Variants in DMRT1 observed in about 807,000 individuals in gnomAD.
DMRT1 encodes doublesex and mab-3 related transcription factor 1, also known as doublesex- and mab-3-related transcription factor 1.
In DMRT1, 7 loss-of-function variants were observed where a neutral mutation model predicts 32.3. The observed-to-expected ratio is 0.22, with a 90% CI of 0.12 to 0.41. The LOEUF (loss-of-function observed/expected upper bound fraction) is 0.41, where lower values mean the gene tolerates loss of function less well. Ranked by LOEUF, DMRT1 falls within the 10% of genes least tolerant of loss-of-function variation. The pLI is 1.00. For synonymous variants in DMRT1, 278 were observed against 206.1 expected (o/e 1.35, Z -2.99); for missense variants, 625 against 500.5 (o/e 1.25, Z -2.37).
intron 2 of DMRT1, among the ~76,000 whole-genome samples, chr9:878,653 T>G (rs989107196): frequency 6.6e-6 from 1 of 151,960 alleles, no homozygotes; most frequent in African/African-American, 2.4e-5. Context: ...ACCCTAATGA[T>G]GAGGATTTGG....
chr9:844,715 C>CTT (rs1170214043), intron 1 of DMRT1, among the ~76,000 whole-genome samples: 1,481 of 135,370 alleles, frequency 0.011, 53 homozygotes, highest in African/African-American at 0.037. Context: ...TTCTTTCTTT[C>CTT]TTTCTTTTTT....
At chr9:902,148 G>A (rs1042676061) in intron 3 of DMRT1, among the ~76,000 whole-genome samples, 3 of 151,128 alleles carry the variant, frequency 2.0e-5, no homozygotes, top group African/African-American at 4.9e-5. Context: ...GACCTCAGGT[G>A]ATCCGCCCCC....
chr9:930,910 T>C (rs1325163282), intron 4 of DMRT1, among the ~76,000 whole-genome samples: 1 of 152,218 alleles, frequency 6.6e-6, no homozygotes, highest in African/African-American at 2.4e-5. Flanking sequence ...TTTTAAAATG[T>C]ATGATTCATT....
chr9:962,939 G>T (rs1441962893), intron 4 of DMRT1, among the ~76,000 whole-genome samples: 2 of 152,122 alleles, frequency 1.3e-5, no homozygotes, highest in Non-Finnish European at 2.9e-5. Flanking sequence ...TGCTGTAGAA[G>T]GATGCTTGCT....
chr9:916,634 G>A, intron 3 of DMRT1, 129 bp from the exon 4 acceptor site: 3 of 1,132,596 alleles, frequency 2.6e-6, no homozygotes, highest in Non-Finnish European at 3.9e-6. Flanking sequence ...GGCCTCCCAA[G>A]GTGTCGGGAA....
At chr9:915,260 C>G (rs532236335) in intron 3 of DMRT1, among the ~76,000 whole-genome samples, 1 of 152,218 alleles carries the variant, frequency 6.6e-6, no homozygotes, top group Admixed American at 6.5e-5. Context: ...CTCGGTGTCT[C>G]TAACAGGGTC....
chr9:845,898 T>C (rs970129244), intron 1 of DMRT1, among the ~76,000 whole-genome samples: 11 of 152,212 alleles, frequency 7.2e-5, no homozygotes, highest in African/African-American at 2.2e-4. Context: ...TGCTGGCTGA[T>C]TTTAACATGT....
intron 3 of DMRT1, among the ~76,000 whole-genome samples, chr9:901,719 C>A (rs959037042): frequency 6.6e-6 from 1 of 151,654 alleles, no homozygotes; most frequent in Non-Finnish European, 1.5e-5. Context: ...GGATGATGTG[C>A]TCTGGTCACT....
intron 4 of DMRT1, among the ~76,000 whole-genome samples, chr9:953,362 C>T (rs1157325033): frequency 6.6e-6 from 1 of 152,064 alleles, no homozygotes; most frequent in Non-Finnish European, 1.5e-5. Context: ...TTTAGTTATA[C>T]CCATCCAAGG....
intron 4 of DMRT1, among the ~76,000 whole-genome samples, chr9:952,257 C>T (rs184153283): frequency 5.3e-5 from 8 of 152,266 alleles, no homozygotes; most frequent in Admixed American, 3.9e-4. Flanking sequence ...ACCAAATTAG[C>T]GCCACAGTGC....
chr9:929,161 G>C (rs892126035), intron 4 of DMRT1, among the ~76,000 whole-genome samples: 1 of 152,116 alleles, frequency 6.6e-6, no homozygotes, highest in African/African-American at 2.4e-5. Context: ...CCCTGTATTT[G>C]TATTTGCTAA....
At chr9:853,136 GA>G (rs1252903696) in intron 2 of DMRT1, among the ~76,000 whole-genome samples, 1 of 152,124 alleles carries the variant, frequency 6.6e-6, no homozygotes, top group Non-Finnish European at 1.5e-5. Context: ...GGAAGGTACG[GA>G]GATTTTTTTT....
intron 2 of DMRT1, among the ~76,000 whole-genome samples, chr9:854,649 C>T (rs1325719008): frequency 6.6e-6 from 1 of 151,964 alleles, no homozygotes; most frequent in African/African-American, 2.4e-5. Flanking sequence ...TTTTAGACAG[C>T]TTTCAATTAA....
intron 3 of DMRT1, among the ~76,000 whole-genome samples, chr9:903,498 A>G (rs372599785): frequency 9.1e-4 from 138 of 152,310 alleles, no homozygotes; most frequent in African/African-American, 3.3e-3. Flanking sequence ...AATGACTTGC[A>G]TGCTTTTGAT....
At chr9:845,316 TCTC>T (rs1838860754) in intron 1 of DMRT1, among the ~76,000 whole-genome samples, 1 of 151,988 alleles carries the variant, frequency 6.6e-6, no homozygotes, top group East Asian at 1.9e-4. Context: ...TTCAAGTAAT[TCTC>T]CTCTCGGCCT....
At chr9:846,880 C>T in intron 1 of DMRT1, 80 bp from the exon 2 acceptor site, 1 of 1,547,560 alleles carries the variant, frequency 6.5e-7, no homozygotes, top group Non-Finnish European at 8.9e-7. Flanking sequence ...ATCATGGTGT[C>T]TGGGATGGGT....
intron 4 of DMRT1, among the ~76,000 whole-genome samples, chr9:939,250 A>G (rs756651196): frequency 6.6e-6 from 1 of 152,194 alleles, no homozygotes; most frequent in Non-Finnish European, 1.5e-5. Flanking sequence ...TCTAGAGACC[A>G]CTTACCAGGC....
intron 4 of DMRT1, among the ~76,000 whole-genome samples, chr9:935,900 A>G (rs970194158): frequency 6.6e-5 from 10 of 152,232 alleles, no homozygotes; most frequent in African/African-American, 2.4e-4. Context: ...CTGTGAAACC[A>G]GAGAGGAAAT....
chr9:967,958 C>CTCTTTCTG, intron 4 of DMRT1, 27 bp from the exon 5 acceptor site: 1 of 1,611,082 alleles, frequency 6.2e-7, no homozygotes, highest in Non-Finnish European at 8.5e-7. Flanking sequence ...CTCCCTTTCT[C>CTCTTTCTG]TCTTTCTCTC....
Sources: gnomAD v4.1 joint callset for allele counts (sites outside exome capture counted in the v4.1 genomes callset) on GRCh38, gnomAD v4.1.1 for gene constraint, MANE v1.5 for transcripts, NCBI Gene and HGNC (gene_info 2026-07-23, HGNC 2026-07-21) for gene names.